THSD7B: variants seen among roughly 807,000 people sequenced by gnomAD.
THSD7B encodes thrombospondin type-1 domain-containing protein 7B.
THSD7B carries 138 observed loss-of-function variants against 213.6 expected under a neutral mutation model. That is an observed-to-expected ratio of 0.65 (90% CI 0.56 to 0.74). The LOEUF is 0.74. Ranked by LOEUF, THSD7B falls within the 30% of genes least tolerant of loss-of-function variation. THSD7B has a pLI of 0.00. For synonymous variants in THSD7B, 742 were observed against 687.0 expected (o/e 1.08, Z -1.25); for missense variants, 1,931 against 1,991.5 (o/e 0.97, Z 0.58).
intron 2 of THSD7B, among the ~76,000 whole-genome samples, chr2:136,897,770 CGCTGATTGGTGCGCTTTTACAGAGT>C (rs1400254530): frequency 1.3e-5 from 2 of 151,702 alleles, no homozygotes; most frequent in Admixed American, 6.6e-5. Context: ...AGACACAGAG[CGCTGATTGGTGCGCTTTTACAGAGT>C]GCTGATTGGT....
At chr2:136,944,290 C>G (rs1307520349) in intron 2 of THSD7B, among the ~76,000 whole-genome samples, 2 of 152,128 alleles carry the variant, frequency 1.3e-5, no homozygotes, top group African/African-American at 4.8e-5. Context: ...CTGAGGAGTG[C>G]TTTGCTTCCA....
chr2:136,982,746 C>A (rs1685604811), intron 2 of THSD7B, among the ~76,000 whole-genome samples: 1 of 152,130 alleles, frequency 6.6e-6, no homozygotes, highest in South Asian at 2.1e-4. Flanking sequence ...CCTGCTTGGG[C>A]TGGATACATG....
At chr2:136,833,742 GTCTT>G (rs1446356863) in intron 1 of THSD7B, among the ~76,000 whole-genome samples, 4 of 152,096 alleles carry the variant, frequency 2.6e-5, no homozygotes, top group African/African-American at 4.8e-5. Flanking sequence ...ATCATTAAGC[GTCTT>G]TCTTTCTCAT....
intron 2 of THSD7B, among the ~76,000 whole-genome samples, chr2:136,935,589 G>GA (rs973846971): frequency 1.4e-4 from 21 of 152,080 alleles, no homozygotes; most frequent in African/African-American, 4.6e-4. Context: ...TTAACTTGAT[G>GA]AAAAAAATCC....
chr2:137,330,197 T>A (rs1240365110), intron 12 of THSD7B, among the ~76,000 whole-genome samples: 1 of 152,234 alleles, frequency 6.6e-6, no homozygotes, highest in East Asian at 1.9e-4. Flanking sequence ...GGTAGAGGCC[T>A]CGTAAAGAAA....
intron 2 of THSD7B, among the ~76,000 whole-genome samples, chr2:137,053,675 T>C (rs1443129615): frequency 6.6e-6 from 1 of 152,136 alleles, no homozygotes; most frequent in Non-Finnish European, 1.5e-5. Context: ...TATTAACTTT[T>C]GAAGATTGAC....
intron 17 of THSD7B, among the ~76,000 whole-genome samples, chr2:137,575,880 A>C (rs1249686314): frequency 6.6e-6 from 1 of 152,030 alleles, no homozygotes; most frequent in Non-Finnish European, 1.5e-5. Flanking sequence ...ACATGTATGT[A>C]AGTACATGCA....
chr2:136,990,837 G>C, intron 2 of THSD7B: 1 of 1,290,582 alleles, frequency 7.7e-7, no homozygotes, highest in South Asian at 1.2e-5. Flanking sequence ...TGAGTACTGA[G>C]CATTTTCACA....
intron 12 of THSD7B, among the ~76,000 whole-genome samples, chr2:137,290,448 T>G (rs1040749602): frequency 1.3e-5 from 2 of 152,110 alleles, no homozygotes; most frequent in Non-Finnish European, 2.9e-5. Flanking sequence ...TTTCTCCCGA[T>G]GCTTACTCTG....
At chr2:137,214,743 C>T (rs1021149388) in intron 7 of THSD7B, among the ~76,000 whole-genome samples, 3 of 152,116 alleles carry the variant, frequency 2.0e-5, no homozygotes, top group Admixed American at 2.0e-4. Context: ...TCATCCATGT[C>T]CCTGCAAAGG....
At chr2:136,781,332 T>G (rs1681738020) in intron 1 of THSD7B, among the ~76,000 whole-genome samples, 1 of 150,774 alleles carries the variant, frequency 6.6e-6, no homozygotes, top group Non-Finnish European at 1.5e-5. Context: ...TGGCCTGATC[T>G]CGGCTCACTG....
intron 10 of THSD7B, among the ~76,000 whole-genome samples, chr2:137,246,876 A>G (rs1682051299): frequency 6.6e-6 from 1 of 152,162 alleles, no homozygotes; most frequent in Non-Finnish European, 1.5e-5. Context: ...GCTTATTGCA[A>G]CATTTCTCAG....
At chr2:137,406,477 T>G (rs978941111) in intron 13 of THSD7B, among the ~76,000 whole-genome samples, 2 of 152,220 alleles carry the variant, frequency 1.3e-5, no homozygotes, top group African/African-American at 4.8e-5. Context: ...TCTTAACTTC[T>G]TATGTGTTTG....
intron 15 of THSD7B, among the ~76,000 whole-genome samples, chr2:137,560,743 A>C (rs114990860): frequency 6.6e-6 from 1 of 152,190 alleles, no homozygotes; most frequent in Non-Finnish European, 1.5e-5. Context: ...AAATGCTAAA[A>C]GATGCACAAA....
At chr2:137,445,167 A>T (rs1257058184) in intron 14 of THSD7B, among the ~76,000 whole-genome samples, 1 of 152,094 alleles carries the variant, frequency 6.6e-6, no homozygotes. Flanking sequence ...TAGGAATGCA[A>T]ATTAGTACAG....
intron 1 of THSD7B, among the ~76,000 whole-genome samples, chr2:136,807,185 G>A (rs1682297252): frequency 6.6e-6 from 1 of 152,100 alleles, no homozygotes; most frequent in Non-Finnish European, 1.5e-5. Context: ...ACTAAGTAGA[G>A]CCCAAACTTA....
intron 15 of THSD7B, among the ~76,000 whole-genome samples, chr2:137,466,485 G>GT (rs779819610): frequency 1.5e-4 from 23 of 151,070 alleles, no homozygotes; most frequent in Non-Finnish European, 2.2e-4. Flanking sequence ...TTATGAGATG[G>GT]TTTTTTTTTA....
At chr2:137,286,037 G>A (rs1683168099) in intron 12 of THSD7B, among the ~76,000 whole-genome samples, 1 of 151,236 alleles carries the variant, frequency 6.6e-6, no homozygotes, top group Non-Finnish European at 1.5e-5. Context: ...CCGGGAGGTG[G>A]AAGTTGCAGT....
chr2:137,125,226 T>G (rs1326530177), intron 5 of THSD7B, among the ~76,000 whole-genome samples: 4 of 152,218 alleles, frequency 2.6e-5, no homozygotes, highest in African/African-American at 7.2e-5. Flanking sequence ...GATTTCTCTG[T>G]AGCATGAGAG....
Sources: gnomAD v4.1 joint callset for allele counts (sites outside exome capture counted in the v4.1 genomes callset) on GRCh38, gnomAD v4.1.1 for gene constraint, MANE v1.5 for transcripts, NCBI Gene and HGNC (gene_info 2026-07-23, HGNC 2026-07-21) for gene names.